Variants in PTER observed in about 807,000 individuals in gnomAD.
PTER encodes the protein phosphotriesterase related, also known as N-acetyltaurine hydrolase.
Under a neutral mutation model 29.6 loss-of-function variants are expected in PTER, and 38 were observed. That is an observed-to-expected ratio of 1.28 (90% confidence interval 0.99 to 1.68). The LOEUF (loss-of-function observed/expected upper bound fraction) is 1.68. Ranked by LOEUF, PTER falls within the 40% of genes most tolerant of loss-of-function variation. The pLI, the probability that PTER is intolerant of heterozygous loss-of-function variation, is 0.00. For missense variants in PTER, 482 were observed against 427.8 expected (o/e 1.13, Z -1.12); for synonymous variants, 172 against 154.5 (o/e 1.11, Z -0.84).
chr10:16,514,198 A>G (rs1327080118), downstream of PTER: 4 of 398,518 alleles, frequency 1.0e-5, no homozygotes, highest in Non-Finnish European at 1.3e-5. Context: ...ACAGTACACC[A>G]AAGTATCATA....
At chr10:16,490,020 A>T (rs1835841023) in intron 3 of PTER, among the ~76,000 whole-genome samples, 2 of 152,302 alleles carry the variant, frequency 1.3e-5, no homozygotes, top group African/African-American at 4.8e-5. Context: ...GTTATGTTCC[A>T]ATAAACCCAT....
chr10:16,479,627 C>A (rs1353515618), intron 1 of PTER, among the ~76,000 whole-genome samples: 1 of 152,152 alleles, frequency 6.6e-6, no homozygotes, highest in East Asian at 1.9e-4. Flanking sequence ...GGCCAGACAG[C>A]ACTTTTTTCT....
intron 4 of PTER, among the ~76,000 whole-genome samples, chr10:16,508,920 T>G (rs763794322): frequency 3.3e-5 from 5 of 152,176 alleles, no homozygotes; most frequent in Non-Finnish European, 7.3e-5. Flanking sequence ...TCTTAAACCT[T>G]GAAGTGCATG....
chr10:16,452,194 T>TACGCACAC (rs1554786756), intron 1 of PTER, among the ~76,000 whole-genome samples: 3 of 146,254 alleles, frequency 2.1e-5, no homozygotes, highest in African/African-American at 7.6e-5. Flanking sequence ...ACCAGTGGGA[T>TACGCACAC]ACACACACAC....
At chr10:16,478,602 G>A (rs564930315) in intron 1 of PTER, among the ~76,000 whole-genome samples, 35 of 151,794 alleles carry the variant, frequency 2.3e-4, no homozygotes, top group Admixed American at 3.3e-4. Context: ...CCAAAGTGCT[G>A]GGATTACAGG....
intron 1 of PTER, among the ~76,000 whole-genome samples, chr10:16,472,075 G>A (rs1442834844): frequency 1.3e-5 from 2 of 152,090 alleles, no homozygotes; most frequent in Non-Finnish European, 2.9e-5. Context: ...CTCAAGTGAT[G>A]CTTTCTATTG....
At chr10:16,506,570 T>C (rs1325517919) in intron 4 of PTER, among the ~76,000 whole-genome samples, 1 of 152,150 alleles carries the variant, frequency 6.6e-6, no homozygotes, top group Non-Finnish European at 1.5e-5. Flanking sequence ...GCAAGGTTCC[T>C]AAGGCAACAA....
intron 1 of PTER, among the ~76,000 whole-genome samples, chr10:16,452,603 G>C (rs1195330277): frequency 6.6e-6 from 1 of 151,756 alleles, no homozygotes; most frequent in African/African-American, 2.4e-5. Context: ...GCGCCCAGCT[G>C]TGACTTTTTG....
intron 3 of PTER, among the ~76,000 whole-genome samples, chr10:16,501,676 C>G (rs992178474): frequency 1.1e-4 from 17 of 152,212 alleles, no homozygotes; most frequent in Non-Finnish European, 2.1e-4. Context: ...TTAAAGCACA[C>G]TCTGTGCACA....
intron 3 of PTER, among the ~76,000 whole-genome samples, chr10:16,500,136 A>C (rs903844182): frequency 1.3e-5 from 2 of 151,990 alleles, no homozygotes; most frequent in African/African-American, 2.4e-5. Context: ...TGATCATGAA[A>C]TTTTTAAGAG....
At position 16,512,199 on chromosome 10, in the gene PTER, A is replaced by C. The variant is rs1184299920; in HGVS notation, c.*943A>C. The C allele has an allele frequency of 6.6e-6, 1 of 152,156 alleles. No homozygotes were observed. Among genetic ancestry groups the C allele is most frequent in the African/African-American group, 2.4e-5 (1 of 41,448 alleles). 9.4% of individuals were successfully genotyped at this position (152,156 alleles called of 1,614,324 possible). ...CAGATCTATTGGAAATGACAGCCCG[A>C]TACTTGAGCCTCCTCTTTAAAAGGT... On this transcript the variant is annotated 3_prime_UTR_variant, in exon 5 of 5. Transcript: ENST00000535784.
intron 4 of PTER, among the ~76,000 whole-genome samples, chr10:16,508,875 A>G (rs572855687): frequency 6.6e-6 from 1 of 152,110 alleles, no homozygotes; most frequent in Non-Finnish European, 1.5e-5. Flanking sequence ...ATCATGCATG[A>G]AAGGACCACA....
At chr10:16,452,261 A>G (rs1020923484) in intron 1 of PTER, among the ~76,000 whole-genome samples, 6 of 150,452 alleles carry the variant, frequency 4.0e-5, no homozygotes, top group Admixed American at 2.7e-4. Flanking sequence ...ACAGTTTTTG[A>G]AAGCACTGAA....
chr10:16,481,412 A>G (rs528170331), intron 1 of PTER, among the ~76,000 whole-genome samples: 27 of 152,298 alleles, frequency 1.8e-4, no homozygotes, highest in Admixed American at 1.2e-3. Context: ...AGCAACCTCC[A>G]AGCTGAATGC....
At chr10:16,503,925 T>C (rs906939165) in intron 3 of PTER, among the ~76,000 whole-genome samples, 5 of 152,234 alleles carry the variant, frequency 3.3e-5, no homozygotes, top group Admixed American at 2.0e-4. Flanking sequence ...GACTGTCTAA[T>C]GTTCCCAACT....
chr10:16,471,426 A>G (rs535532290), intron 1 of PTER, among the ~76,000 whole-genome samples: 63 of 152,276 alleles, frequency 4.1e-4, no homozygotes, highest in African/African-American at 1.5e-3. Flanking sequence ...AAATGTTATA[A>G]ACATTAAAAA....
intron 2 of PTER, 91 bp from the exon 3 acceptor site, chr10:16,486,261 C>G: frequency 7.6e-7 from 1 of 1,316,554 alleles, no homozygotes; most frequent in South Asian, 1.5e-5. Flanking sequence ...GAATGAATGA[C>G]AAAATAAATA....
intron 4 of PTER, 56 bp downstream of exon 4, chr10:16,505,216 C>A: frequency 6.3e-7 from 1 of 1,586,046 alleles, no homozygotes; most frequent in South Asian, 1.1e-5. Context: ...TTTTGATTGT[C>A]ATATCTAGGG....
At chr10:16,500,229 T>C (rs1312600732) in intron 3 of PTER, among the ~76,000 whole-genome samples, 2 of 38,868 alleles carry the variant, frequency 5.1e-5, no homozygotes, top group African/African-American at 3.1e-4. Context: ...TAGGGATTAC[T>C]TTTTTTTTTT....
Sources: allele counts gnomAD v4.1 joint callset (sites outside exome capture counted in the v4.1 genomes callset), GRCh38; gene constraint gnomAD v4.1.1; transcripts MANE v1.5; gene names NCBI Gene and HGNC (gene_info 2026-07-23, HGNC 2026-07-21).